IKBIP: variants seen among roughly 807,000 people sequenced by gnomAD.
IKBIP encodes IKBKB interacting protein.
A neutral mutation model predicts 31.0 loss-of-function variants in IKBIP; 28 were observed. That is an observed-to-expected ratio of 0.90 (90% confidence interval 0.67 to 1.24). IKBIP has a LOEUF of 1.24. Among genes scored for constraint, IKBIP ranks in the 50% most tolerant of loss-of-function variants. The pLI is 0.00. For missense variants in IKBIP, 453 were observed against 441.9 expected, an observed-to-expected ratio of 1.03 and a Z score of -0.23; for synonymous variants, 164 against 160.3, an observed-to-expected ratio of 1.02 and a Z score of -0.17.
At chr12:98,614,037 T>C in exon 3 of IKBIP, 1 of 1,609,994 alleles carries the variant, frequency 6.2e-7, no homozygotes, top group South Asian at 1.1e-5. Flanking sequence ...TCTATTTTAT[T>C]TTCTAGTTCT....
intron 2 of IKBIP, among the ~76,000 whole-genome samples, chr12:98,632,583 A>T: frequency 9.5e-6 from 1 of 105,460 alleles, no homozygotes; most frequent in Non-Finnish European, 1.8e-5. Flanking sequence ...TTCTAATGGT[A>T]TGTTAGAGTT....
At chr12:98,644,242 G>C (rs551369009) in intron 1 of IKBIP, among the ~76,000 whole-genome samples, 1 of 152,118 alleles carries the variant, frequency 6.6e-6, no homozygotes, top group Non-Finnish European at 1.5e-5. Flanking sequence ...AAGCGTGGCC[G>C]AATCTGCAGC....
intron 2 of IKBIP, among the ~76,000 whole-genome samples, chr12:98,630,913 C>T (rs1380267734): frequency 1.4e-5 from 2 of 143,924 alleles, no homozygotes; most frequent in Non-Finnish European, 3.0e-5. Context: ...TACGAAAAGA[C>T]TGAATATTTC....
intron 1 of IKBIP, 88 bp from the exon 2 acceptor site, chr12:98,634,501 GAAC>G (rs2097623944): frequency 3.6e-6 from 2 of 553,946 alleles, no homozygotes; most frequent in African/African-American, 2.0e-5. Context: ...CTTCTGTTAA[GAAC>G]AACATAAATT....
chr12:98,633,799 G>A (rs914438844), intron 2 of IKBIP, among the ~76,000 whole-genome samples: 14 of 152,252 alleles, frequency 9.2e-5, no homozygotes, highest in Non-Finnish European at 1.8e-4. Context: ...TTAAAGGCAT[G>A]AGCCACTACT....
Position 98,624,798 on chromosome 12 carries a change from A to ATTTT in IKBIP, c.*1128_*1131dup. On this transcript the variant is annotated 3_prime_UTR_variant, in exon 3 of 3. Transcript: ENST00000299157. ...TTCCCTCAAAACAGGCCACAGGCTT[A>ATTTT]TTTTTATTTATTTATTTATTTATTG... 1.2e-6 allele frequency: 1 copy of ATTTT among 842,694 alleles called. No individual in the cohort carries two copies. The highest frequency in any genetic ancestry group is 1.4e-6 in the Non-Finnish European group (1 of 700,142). 52.2% of individuals were successfully genotyped at this position (842,694 alleles called of 1,614,324 possible).
chr12:98,635,008 AT>A (rs72490022), intron 1 of IKBIP, among the ~76,000 whole-genome samples: 907 of 84,114 alleles, frequency 0.011, 1 homozygote, highest in East Asian at 0.031. Context: ...CACGCCCGGT[AT>A]TTTTTTTTTT....
rs565048639 is a variant in IKBIP at position 98,644,565 on chromosome 12, C to A, written c.137G>T (p.Cys46Phe). The A allele has an allele frequency of 1.9e-5, 30 of 1,608,514 alleles. No individual in the cohort carries two copies. The Admixed American group carries it at 4.7e-4, about 25-fold the overall frequency. The change falls in exon 1 of 3, where the codon TGC (cysteine) becomes TTC (phenylalanine). Residue 46 changes from cysteine (C) to phenylalanine (F), a missense_variant. Coordinates refer to ENST00000299157, the MANE Select transcript of IKBIP (RefSeq NM_153687.4). ...GGGGWADPRTCLSLLSLGTCL... is the reference protein window; with the variant it reads ...GGGGWADPRTFLSLLSLGTCL... ...CGTCCCCAGCGACAGCAGGCTCAGG[C>A]ACGTTCGGGGGTCTGCCCAGCCCCC... is the stretch of plus-strand genomic sequence containing the variant.
intron 1 of IKBIP, among the ~76,000 whole-genome samples, chr12:98,638,559 G>A (rs951597035): frequency 4.6e-5 from 7 of 151,316 alleles, no homozygotes; most frequent in Non-Finnish European, 7.4e-5. Context: ...ATAGGTGTGA[G>A]CCAGAGCACC....
intron 2 of IKBIP, among the ~76,000 whole-genome samples, chr12:98,617,168 G>A (rs896163381): frequency 6.6e-6 from 1 of 152,206 alleles, no homozygotes; most frequent in African/African-American, 2.4e-5. Context: ...ATAAAGATGA[G>A]TATAACTCGA....
At chr12:98,633,213 A>G (rs1255509772) in intron 2 of IKBIP, among the ~76,000 whole-genome samples, 1 of 152,162 alleles carries the variant, frequency 6.6e-6, no homozygotes, top group Non-Finnish European at 1.5e-5. Flanking sequence ...GTGAATGAAT[A>G]AATGAACAAA....
chr12:98,641,067 G>C (rs1358055174), intron 1 of IKBIP, among the ~76,000 whole-genome samples: 1 of 152,158 alleles, frequency 6.6e-6, no homozygotes, highest in Admixed American at 6.5e-5. Context: ...GGCCTATCAG[G>C]CCTTTATTTA....
At chr12:98,627,798 A>G (rs550986443) in intron 2 of IKBIP, among the ~76,000 whole-genome samples, 7 of 152,152 alleles carry the variant, frequency 4.6e-5, no homozygotes, top group Non-Finnish European at 8.8e-5. Context: ...ATACAATTTG[A>G]TATCTTTCCT....
At chr12:98,616,900 A>C (rs759644912) in intron 2 of IKBIP, among the ~76,000 whole-genome samples, 2 of 152,010 alleles carry the variant, frequency 1.3e-5, no homozygotes, top group African/African-American at 2.4e-5. Context: ...ATATATTTTG[A>C]GATCGGGTAG....
chr12:98,613,539 G>C (rs761599046), exon 3 of IKBIP: 4 of 909,020 alleles, frequency 4.4e-6, no homozygotes, highest in Admixed American at 2.7e-5. Context: ...TCTCATGAGA[G>C]GTCCCATTAA....
downstream of IKBIP, among the ~76,000 whole-genome samples, chr12:98,622,006 G>C (rs1448302917): frequency 6.6e-6 from 1 of 151,768 alleles, no homozygotes; most frequent in Non-Finnish European, 1.5e-5. Context: ...AACCCGGGAG[G>C]TGGAGGTTGC....
chr12:98,624,528 AACTG>A lies in IKBIP; in HGVS notation c.*1398_*1401del. On this transcript the variant is annotated 3_prime_UTR_variant, in exon 3 of 3. Transcript: ENST00000299157. ...TACTTGACCACAACTACCTTTTTGT[AACTG>A]ACTGCTTTCAAGTTCTTTGTGTTTA... The A allele has an allele frequency of 1.0e-6, 1 of 985,198 alleles. No homozygotes were observed. Among genetic ancestry groups the A allele is most frequent in the African/African-American group, 1.7e-5 (1 of 57,370 alleles). The allele number at this position is 985,198 out of a possible 1,614,324, so 61.0% of individuals were successfully genotyped here. A position where few individuals can be genotyped will look rare whatever the true frequency, so the allele number is the denominator to read the frequency against.
chr12:98,623,981 A>C (rs1470637496), downstream of IKBIP, among the ~76,000 whole-genome samples: 1 of 151,142 alleles, frequency 6.6e-6, no homozygotes, highest in East Asian at 1.9e-4. Flanking sequence ...CTATACATAC[A>C]TACAAACGCA....
At chr12:98,642,281 C>T (rs11109555) in intron 1 of IKBIP, among the ~76,000 whole-genome samples, 3,931 of 152,188 alleles carry the variant, frequency 0.026, 157 homozygotes, top group African/African-American at 0.087. Context: ...CCTGCCTCAA[C>T]CTCTGAGTAG....
Sources: allele counts gnomAD v4.1 joint callset (sites outside exome capture counted in the v4.1 genomes callset), GRCh38; gene constraint gnomAD v4.1.1; transcripts MANE v1.5; gene names NCBI Gene and HGNC (gene_info 2026-07-23, HGNC 2026-07-21).